NRXN3: variants seen among roughly 807,000 people sequenced by gnomAD.
The protein encoded by NRXN3 is neurexin III.
A neutral mutation model predicts 137.6 loss-of-function variants in NRXN3; 32 were observed. The ratio of observed to expected loss-of-function variants is 0.23; its 90% CI spans 0.18 to 0.31. The LOEUF is 0.31. Ranked by LOEUF, NRXN3 falls within the 10% of genes least tolerant of loss-of-function variation. The pLI is 1.00. For synonymous variants in NRXN3, 798 were observed against 784.5 expected (o/e 1.02, Z -0.29); for missense variants, 1,574 against 2,062.5 (o/e 0.76, Z 4.59).
chr14:78,934,499 G>A (rs1357792305), intron 10 of NRXN3, among the ~76,000 whole-genome samples: 1 of 152,156 alleles, frequency 6.6e-6, no homozygotes, highest in Non-Finnish European at 1.5e-5. Context: ...TGAGGAAGAA[G>A]GCAGATTGCT....
intron 3 of NRXN3, among the ~76,000 whole-genome samples, chr14:78,294,352 C>G (rs546937479): frequency 6.6e-6 from 1 of 152,008 alleles, no homozygotes; most frequent in African/African-American, 2.4e-5. Context: ...GTCAGGAGTT[C>G]GAGACCAGCC....
At chr14:78,229,592 A>G (rs557051655) in intron 1 of NRXN3, among the ~76,000 whole-genome samples, 1 of 152,304 alleles carries the variant, frequency 6.6e-6, no homozygotes, top group African/African-American at 2.4e-5. Context: ...GATCCGAACC[A>G]GAATCCCTCC....
chr14:78,521,087 T>A (rs981706752), intron 4 of NRXN3, among the ~76,000 whole-genome samples: 1 of 152,310 alleles, frequency 6.6e-6, no homozygotes, highest in Middle Eastern at 3.4e-3. Context: ...TAGCAATCAA[T>A]GTAATTGAAG....
intron 16 of NRXN3, among the ~76,000 whole-genome samples, chr14:79,575,965 A>G (rs1456134469): frequency 6.6e-6 from 1 of 152,136 alleles, no homozygotes; most frequent in Non-Finnish European, 1.5e-5. Context: ...GCTTTCTTTC[A>G]GGGAAGAAGA....
intron 10 of NRXN3, among the ~76,000 whole-genome samples, chr14:78,857,451 G>T (rs2099060617): frequency 6.6e-6 from 1 of 152,108 alleles, no homozygotes. Context: ...GTAGAAATTT[G>T]ATGCGTCCAA....
intron 10 of NRXN3, among the ~76,000 whole-genome samples, chr14:78,940,357 C>T (rs1422567924): frequency 1.3e-5 from 2 of 152,192 alleles, no homozygotes; most frequent in African/African-American, 2.4e-5. Flanking sequence ...TATATATGCA[C>T]ACACACACTC....
intron 15 of NRXN3, among the ~76,000 whole-genome samples, chr14:79,078,907 C>T (rs1156742969): frequency 6.6e-6 from 1 of 151,892 alleles, no homozygotes; most frequent in East Asian, 1.9e-4. Flanking sequence ...GCTATTAGCC[C>T]ATGATTCTTG....
At chr14:78,572,305 C>T (rs1288065710) in intron 4 of NRXN3, among the ~76,000 whole-genome samples, 1 of 152,182 alleles carries the variant, frequency 6.6e-6, no homozygotes, top group Non-Finnish European at 1.5e-5. Flanking sequence ...CATTCTCTTG[C>T]TTGCTCTTCT....
chr14:78,802,615 T>C (rs1249251119), intron 8 of NRXN3, among the ~76,000 whole-genome samples: 1 of 152,092 alleles, frequency 6.6e-6, no homozygotes, highest in Non-Finnish European at 1.5e-5. Context: ...GGTAACAAAT[T>C]GTCGGTAACC....
intron 10 of NRXN3, among the ~76,000 whole-genome samples, chr14:78,843,433 G>A (rs773841318): frequency 4.6e-5 from 7 of 152,028 alleles, no homozygotes; most frequent in Admixed American, 1.3e-4. Context: ...GTTTTCATTT[G>A]TTGATTTGTT....
At chr14:78,438,716 G>A (rs2094148922) in intron 4 of NRXN3, among the ~76,000 whole-genome samples, 1 of 152,122 alleles carries the variant, frequency 6.6e-6, no homozygotes, top group South Asian at 2.1e-4. Context: ...GCCCCTGAGG[G>A]ACAATAACAC....
At chr14:79,336,036 T>C (rs941251391) in intron 15 of NRXN3, among the ~76,000 whole-genome samples, 1 of 152,154 alleles carries the variant, frequency 6.6e-6, no homozygotes, top group Admixed American at 6.6e-5. Context: ...AAGCAACAGA[T>C]ACTATAGGCT....
chr14:78,739,797 G>C (rs577070066), intron 8 of NRXN3, among the ~76,000 whole-genome samples: 1 of 152,248 alleles, frequency 6.6e-6, no homozygotes, highest in Non-Finnish European at 1.5e-5. Flanking sequence ...CCAATCACTG[G>C]AGGAAGGGAT....
chr14:79,578,678 T>C (rs1235624926), intron 16 of NRXN3, among the ~76,000 whole-genome samples: 1 of 152,174 alleles, frequency 6.6e-6, no homozygotes, highest in Non-Finnish European at 1.5e-5. Flanking sequence ...AATTCCTTAC[T>C]GAACCACATT....
At chr14:79,250,369 G>A (rs1377223468) in intron 15 of NRXN3, among the ~76,000 whole-genome samples, 1 of 152,122 alleles carries the variant, frequency 6.6e-6, no homozygotes, top group Non-Finnish European at 1.5e-5. Flanking sequence ...TGACAAGGAT[G>A]GATGTTATTA....
At chr14:79,225,037 A>G (rs1421972088) in intron 15 of NRXN3, among the ~76,000 whole-genome samples, 1 of 152,150 alleles carries the variant, frequency 6.6e-6, no homozygotes. Context: ...CTGGACACTG[A>G]GGGGCATCCA....
intron 4 of NRXN3, among the ~76,000 whole-genome samples, chr14:78,465,600 C>T (rs1435022700): frequency 1.3e-5 from 2 of 152,088 alleles, no homozygotes; most frequent in African/African-American, 4.8e-5. Context: ...TGCAGTGGCG[C>T]GATCTCGGCT....
chr14:79,617,227 G>A (rs2098166830), intron 16 of NRXN3, among the ~76,000 whole-genome samples: 1 of 152,112 alleles, frequency 6.6e-6, no homozygotes, highest in Non-Finnish European at 1.5e-5. Context: ...AAGAGCGTTT[G>A]TTGCCTGGGT....
At chr14:78,598,643 C>G (rs2097177948) in intron 4 of NRXN3, among the ~76,000 whole-genome samples, 1 of 152,198 alleles carries the variant, frequency 6.6e-6, no homozygotes, top group Non-Finnish European at 1.5e-5. Context: ...TTCCAATTAT[C>G]ACTTCCCAAA....
Sources: gnomAD v4.1 joint callset for allele counts (sites outside exome capture counted in the v4.1 genomes callset) on GRCh38, gnomAD v4.1.1 for gene constraint, MANE v1.5 for transcripts, NCBI Gene and HGNC (gene_info 2026-07-23, HGNC 2026-07-21) for gene names.